Variants in LAMC2 observed in about 807,000 individuals in gnomAD.
The protein encoded by LAMC2 is laminin subunit gamma-2.
Under a neutral mutation model 140.2 loss-of-function variants are expected in LAMC2, and 97 were observed. That is an observed-to-expected ratio of 0.69 (90% CI 0.59 to 0.82). The LOEUF (loss-of-function observed/expected upper bound fraction) is 0.82, where lower values mean the gene tolerates loss of function less well. LAMC2 is among the 40% of genes least tolerant of loss of function. The probability of loss-of-function intolerance (pLI) is 0.00; values close to 1 mark genes in which losing one functional copy is unlikely to be tolerated. For missense variants in LAMC2, 1,402 were observed against 1,476.1 expected (o/e 0.95, Z 0.82); for synonymous variants, 513 against 540.2 (o/e 0.95, Z 0.70).
At chr1:183,254,385 C>T in the LAMC2 span, among the ~76,000 whole-genome samples, 1 of 152,082 alleles carries the variant, frequency 6.6e-6, no homozygotes, top group East Asian at 1.9e-4. Context: ...TTTATGTCAT[C>T]TCTGGAGAGA....
chr1:183,236,036 A>G (rs1451465645), intron 16 of LAMC2, among the ~76,000 whole-genome samples: 2 of 152,166 alleles, frequency 1.3e-5, no homozygotes, highest in African/African-American at 2.4e-5. Flanking sequence ...GGAGATATAA[A>G]AATACAGAAA....
chr1:183,257,191 C>T, the LAMC2 span, among the ~76,000 whole-genome samples: 1 of 151,960 alleles, frequency 6.6e-6, no homozygotes, highest in Admixed American at 6.6e-5. Context: ...GCCTGTAATA[C>T]CAGCACTTTG....
chr1:183,202,562 CAT>C (rs1658743398), intron 1 of LAMC2, among the ~76,000 whole-genome samples: 1 of 152,078 alleles, frequency 6.6e-6, no homozygotes, highest in African/African-American at 2.4e-5. Context: ...ATAAGAAAAA[CAT>C]TGTGCCATAA....
At chr1:183,195,400 T>A (rs1239218576) in intron 1 of LAMC2, among the ~76,000 whole-genome samples, 1 of 152,190 alleles carries the variant, frequency 6.6e-6, no homozygotes, top group Admixed American at 6.5e-5. Flanking sequence ...CACTGACTCT[T>A]GATGACTTTG....
At chr1:183,198,968 A>G (rs1380184292) in intron 1 of LAMC2, among the ~76,000 whole-genome samples, 5 of 152,086 alleles carry the variant, frequency 3.3e-5, no homozygotes, top group Non-Finnish European at 4.4e-5. Context: ...TGCTTGGAAC[A>G]TTAGTTTTTT....
chr1:183,211,178 G>A (rs768123355), intron 2 of LAMC2, among the ~76,000 whole-genome samples: 4 of 152,176 alleles, frequency 2.6e-5, no homozygotes, highest in Admixed American at 6.5e-5. Context: ...TTATGACTTT[G>A]TGGGCTCAGC....
chr1:183,194,350 T>C (rs1366033197), intron 1 of LAMC2, among the ~76,000 whole-genome samples: 2 of 152,176 alleles, frequency 1.3e-5, no homozygotes, highest in Non-Finnish European at 2.9e-5. Flanking sequence ...TGTTCTTTTG[T>C]GAAGACTAAG....
intron 3 of LAMC2, 21 bp downstream of exon 3, chr1:183,215,609 A>G: frequency 2.5e-6 from 4 of 1,614,108 alleles, no homozygotes; most frequent in Middle Eastern, 3.3e-4. Context: ...GCATCCCACC[A>G]TGGCTGTCAC....
chr1:183,227,674 A>G lies in LAMC2; in HGVS notation c.1445A>G (p.Asn482Ser), dbSNP rs1558093129. The G allele has an allele frequency of 1.2e-6, 2 of 1,614,038 alleles. No homozygotes were observed. The highest frequency in any genetic ancestry group is 8.5e-7 in the Non-Finnish European group (1 of 1,180,042). Residue 482 changes from asparagine (N) to serine (S), a missense_variant, in exon 10 of 23, where the codon AAT becomes AGT. Transcript: ENST00000264144. Reference sequence around the variant, plus strand: ...CCGGAGACGGAGGAGGTGGTGTGCAATAACTGCCCTCCCGGGGTCACCGGT... The same window carrying G: ...CCGGAGACGGAGGAGGTGGTGTGCAGTAACTGCCCTCCCGGGGTCACCGGT... The part of the protein sequence containing the change: ...VMPETEEVVC[N>S]NCPPGVTGAR...
At chr1:183,219,397 C>T (rs964714279) in intron 4 of LAMC2, among the ~76,000 whole-genome samples, 18 of 152,130 alleles carry the variant, frequency 1.2e-4, no homozygotes, top group African/African-American at 4.3e-4. Flanking sequence ...TAGAATGCCA[C>T]ATAAAAGAAA....
chr1:183,241,324 C>T (rs557745643), intron 22 of LAMC2: 2 of 984,784 alleles, frequency 2.0e-6, no homozygotes, highest in East Asian at 2.3e-4. Context: ...CAAAGTTATA[C>T]CTTGATGTAA....
the LAMC2 span, among the ~76,000 whole-genome samples, chr1:183,253,481 A>G: frequency 6.6e-5 from 10 of 152,106 alleles, no homozygotes; most frequent in African/African-American, 2.4e-4. Context: ...CCCTAAATAT[A>G]ATACACTATT....
At position 183,225,620 on chromosome 1, in the gene LAMC2, T is replaced by G. The variant is rs1386906203; in HGVS notation, c.966T>G (p.His322Gln). ...TTAAATTATGCAGGTTAAATGAGCATCCAAGCAATAATTGGAGCCCCCAGC... is the reference window on the plus strand; with the variant it reads ...TTAAATTATGCAGGTTAAATGAGCAGCCAAGCAATAATTGGAGCCCCCAGC... ...TKTYTFRLNE[H>Q]PSNNWSPQLS... Residue 322 changes from histidine (H) to glutamine (Q), a missense_variant, in exon 8 of 23, where the codon CAT becomes CAG. Coordinates refer to ENST00000264144, the MANE Select transcript of LAMC2 (RefSeq NM_005562.3). 1 of 1,612,444 alleles carries G rather than the reference T, an allele frequency of 6.2e-7. No individual in the cohort carries two copies. The highest frequency in any genetic ancestry group is 8.5e-7 in the Non-Finnish European group (1 of 1,178,466).
Position 183,225,797 on chromosome 1 carries a change from A to C in LAMC2, c.1066+77A>C, listed in dbSNP as rs958771730. On this transcript the variant is annotated intron_variant, in intron 8 of 22. Transcript: ENST00000264144. ...TGATTCAGCTCTCTAAGGTGGCGGC[A>C]GTCTCCAAACAAGTAGATAAGTTAC... 42 of 946,132 alleles carry C rather than the reference A, an allele frequency of 4.4e-5. 2 individuals carry two copies. Among genetic ancestry groups the C allele is most frequent in the Non-Finnish European group, 7.3e-5 (42 of 579,134 alleles). 58.6% of individuals were successfully genotyped at this position (946,132 alleles called of 1,614,324 possible). A position where few individuals can be genotyped will look rare whatever the true frequency, so the allele number is the denominator to read the frequency against.
rs768238199 is a variant in LAMC2 at position 183,222,180 on chromosome 1, A to G, written c.732A>G (p.Gln244=). ...ATCAAGATGTGTTTAGCTCAGCCCA[A>G]CGACTAGACCCTGTCTATTTTGTGG... ...QRHQDVFSSA[Q]RLDPVYFVAP... The change falls in exon 6 of 23, where the codon CAA becomes CAG. Residue 244 remains glutamine (Q), a synonymous_variant. Coordinates refer to ENST00000264144, the MANE Select transcript of LAMC2 (RefSeq NM_005562.3). 5 of 1,614,150 alleles carry G rather than the reference A, an allele frequency of 3.1e-6. No individual in the cohort carries two copies. Among genetic ancestry groups the G allele is most frequent in the South Asian group, 1.1e-5 (1 of 91,076 alleles).
rs544432601 is a variant in LAMC2, at chr1:183,224,642, A to G, written c.954-966A>G. 2.0e-5 allele frequency among the ~76,000 whole-genome samples: 3 copies of G among 151,112 alleles called. No homozygotes were observed. The South Asian group carries it at 6.3e-4, about 32-fold the overall frequency. On this transcript the variant is annotated intron_variant, in intron 7 of 22. Transcript: ENST00000264144. ...CCCACAGAACACAAACAAAGAATTG[A>G]TCAAATATCCGAGTATACGTGTTCT...
chr1:183,239,709 G>T (rs772829366), intron 20 of LAMC2, 146 bp downstream of exon 20: 44 of 709,934 alleles, frequency 6.2e-5, no homozygotes, highest in Admixed American at 2.6e-4. Flanking sequence ...AAAGACTATG[G>T]TAGCAAAGAC....
At chr1:183,203,072 G>T (rs1161878821) in intron 1 of LAMC2, among the ~76,000 whole-genome samples, 2 of 152,236 alleles carry the variant, frequency 1.3e-5, no homozygotes, top group African/African-American at 4.8e-5. Context: ...AAAGTTGAGT[G>T]CAGAGATTTG....
intron 2 of LAMC2, among the ~76,000 whole-genome samples, chr1:183,212,992 C>A (rs761102153): frequency 6.6e-6 from 1 of 152,220 alleles, no homozygotes; most frequent in Non-Finnish European, 1.5e-5. Flanking sequence ...TAATCCAGGC[C>A]ATCATGGCAT....
Sources: gnomAD v4.1 joint callset for allele counts (sites outside exome capture counted in the v4.1 genomes callset) on GRCh38, gnomAD v4.1.1 for gene constraint, MANE v1.5 for transcripts, NCBI Gene and HGNC (gene_info 2026-07-23, HGNC 2026-07-21) for gene names.